PCDHGB2: variants seen among roughly 807,000 people sequenced by gnomAD.
PCDHGB2 encodes protocadherin gamma subfamily B, 2, also known as protocadherin gamma-B2.
Under a neutral mutation model 59.3 loss-of-function variants are expected in PCDHGB2, and 55 were observed. The observed-to-expected ratio is 0.93, with a 90% CI of 0.75 to 1.16. The LOEUF (loss-of-function observed/expected upper bound fraction) is 1.16, where lower values mean the gene tolerates loss of function less well. Among genes scored for constraint, PCDHGB2 ranks in the 50% most tolerant of loss-of-function variants. The pLI, the probability that PCDHGB2 is intolerant of heterozygous loss-of-function variation, is 0.00. For missense variants in PCDHGB2, 1,228 were observed against 1,198.5 expected (o/e 1.02, Z -0.36); for synonymous variants, 516 against 512.0 (o/e 1.01, Z -0.11).
In PCDHGB2 at chr5:141,432,645, C is replaced by A. The variant is rs758701539; in HGVS notation, c.2422-62162C>A. ...CTGCACACGGGCGAGGTGCGCACGG[C>A]GCGAGCCCTGCTGGACAGAGACGCG... On this transcript the variant is annotated intron_variant, in intron 1 of 3. Coordinates refer to ENST00000522605, the MANE Select transcript of PCDHGB2 (RefSeq NM_018923.3). This position sits in a 1 kb window ranked among gnomAD's most constrained non-coding sequence, Gnocchi z 6.0. The A allele has an allele frequency of 1.2e-5, 20 of 1,613,628 alleles. No individual in the cohort carries two copies. The highest frequency in any genetic ancestry group is 1.6e-4 in the Middle Eastern group (1 of 6,066).
In PCDHGB2 at chr5:141,489,594, TGTAGAG is replaced by T. The variant is rs1298302866; in HGVS notation, c.2422-5206_2422-5201del. 1 of 1,613,958 alleles carries T rather than the reference TGTAGAG, an allele frequency of 6.2e-7. No homozygotes were observed. The highest frequency in any genetic ancestry group is 1.3e-5 in the African/African-American group (1 of 74,906). ...CTGAACACCCCCTGGAGCTAATCCG[TGTAGAG>T]GTAGAGATCCTGGATCTCAATGACA... On this transcript the variant is annotated intron_variant, in intron 1 of 3. Coordinates refer to ENST00000522605, the MANE Select transcript of PCDHGB2 (RefSeq NM_018923.3). The surrounding 1 kb of genome is among the most constrained non-coding windows in gnomAD (Gnocchi z 4.5).
Position 141,489,361 on chromosome 5 carries a change from C to A in PCDHGB2, c.2422-5446C>A. ...TTACTCAGTGGTGGAGGAGTCTGAG[C>A]CGGGGACGCTGGTGGGGAATGTTGC... On this transcript the variant is annotated intron_variant, in intron 1 of 3. Transcript: ENST00000522605. This position sits in a 1 kb window ranked among gnomAD's most constrained non-coding sequence, Gnocchi z 4.5. 1 of 1,612,880 alleles carries A rather than the reference C, an allele frequency of 6.2e-7. No individual in the cohort carries two copies. The highest frequency in any genetic ancestry group is 8.5e-7 in the Non-Finnish European group (1 of 1,179,164).
chr5:141,438,641 C>CAT (rs2098042490), intron 1 of PCDHGB2, among the ~76,000 whole-genome samples: 2 of 79,354 alleles, frequency 2.5e-5, no homozygotes, highest in Non-Finnish European at 4.5e-5. Context: ...TATATACACA[C>CAT]ACACACACAC....
intron 1 of PCDHGB2, chr5:141,403,406 T>A: frequency 6.2e-7 from 1 of 1,614,058 alleles, no homozygotes; most frequent in South Asian, 1.1e-5. Flanking sequence ...TGGAGCACGT[T>A]ATCCACTTCC....
intron 1 of PCDHGB2, among the ~76,000 whole-genome samples, chr5:141,465,130 AAG>A (rs1277023430): frequency 2.6e-5 from 4 of 151,968 alleles, no homozygotes; most frequent in Non-Finnish European, 5.9e-5. Flanking sequence ...AATTTGTAAA[AAG>A]TTTAGGGGAT....
intron 3 of PCDHGB2, among the ~76,000 whole-genome samples, chr5:141,507,521 C>G (rs2099861196): frequency 6.6e-6 from 1 of 151,972 alleles, no homozygotes; most frequent in African/African-American, 2.4e-5. Flanking sequence ...GGCTATGATT[C>G]CAGAGAGGCC....
chr5:141,361,171 G>A lies in PCDHGB2; in HGVS notation c.1036G>A (p.Glu346Lys), dbSNP rs750066776. The A allele has an allele frequency of 3.0e-5, 49 of 1,613,824 alleles. No individual in the cohort carries two copies. Among genetic ancestry groups the A allele is most frequent in the South Asian group, 1.1e-5 (1 of 91,086 alleles). The change falls in exon 1 of 4, where the codon GAA (glutamate) becomes AAA (lysine). Residue 346 changes from glutamate to lysine, a missense_variant. Glu to Lys is a moderately conservative substitution (Grantham distance 56). This residue lies in a region of PCDHGB2 where 781 missense variants were observed against 721.6 expected (regional missense o/e 1.08). Coordinates refer to ENST00000522605, the MANE Select transcript of PCDHGB2 (RefSeq NM_018923.3). ...TCTTGATGACAACGATTGTGCACCT[G>A]AAGTTATTGTGACTTCAGTATCTAC... ...EILDDNDCAP[E>K]VIVTSVSTPL...
intron 1 of PCDHGB2, chr5:141,421,947 C>T: frequency 6.2e-7 from 1 of 1,613,118 alleles, no homozygotes; most frequent in African/African-American, 1.3e-5. Context: ...ATGATCACAT[C>T]CCAATGTTTA....
At chr5:141,413,432 G>A (rs1193674962) in intron 1 of PCDHGB2, 1 of 1,613,992 alleles carries the variant, frequency 6.2e-7, no homozygotes, top group African/African-American at 1.3e-5. Flanking sequence ...CCGCGCAGCG[G>A]CAGCTTGATC....
intron 1 of PCDHGB2, among the ~76,000 whole-genome samples, chr5:141,463,839 T>C (rs1356261890): frequency 1.3e-5 from 2 of 152,240 alleles, no homozygotes; most frequent in African/African-American, 4.8e-5. Flanking sequence ...TTCCCAGTTG[T>C]TATAGTGGTA....
chr5:141,489,191 T>C lies in PCDHGB2; in HGVS notation c.2422-5616T>C. On this transcript the variant is annotated intron_variant, in intron 1 of 3. Coordinates refer to ENST00000522605, the MANE Select transcript of PCDHGB2 (RefSeq NM_018923.3). The surrounding 1 kb of genome is among the most constrained non-coding windows in gnomAD (Gnocchi z 4.5). ...CTGCATTCCAAGCCCTGGGTCTACC[T>C]TGGAGACAGGACAGCACAGACTTAC... The C allele has an allele frequency of 7.3e-7, 1 of 1,364,400 alleles. No homozygotes were observed. Among genetic ancestry groups the C allele is most frequent in the Middle Eastern group, 1.9e-4 (1 of 5,334 alleles). The allele number at this position is 1,364,400 out of a possible 1,614,324, so 84.5% of individuals were successfully genotyped here. A position where few individuals can be genotyped will look rare whatever the true frequency, so the allele number is the denominator to read the frequency against.
chr5:141,387,764 AT>A, intron 1 of PCDHGB2: 1 of 1,430,464 alleles, frequency 7.0e-7, no homozygotes, highest in East Asian at 2.5e-5. Context: ...AAAAAGAAGA[AT>A]TTTTTCTTGA....
intron 1 of PCDHGB2, chr5:141,370,205 T>C (rs1766739640): frequency 3.7e-6 from 2 of 547,650 alleles, no homozygotes; most frequent in South Asian, 6.6e-5. Flanking sequence ...GTGCAAAATA[T>C]TGGCTCCTCC....
At chr5:141,455,789 G>A (rs966897617) in intron 1 of PCDHGB2, among the ~76,000 whole-genome samples, 56 of 152,058 alleles carry the variant, frequency 3.7e-4, no homozygotes, top group African/African-American at 1.3e-3. Context: ...AACTTTTCCG[G>A]AGATGCTTTA....
chr5:141,384,283 G>C (rs762515266), intron 1 of PCDHGB2: 19 of 1,613,644 alleles, frequency 1.2e-5, no homozygotes, highest in South Asian at 2.2e-5. Flanking sequence ...AGTCTACATC[G>C]CTGAGAACAA....
chr5:141,404,685 C>T (rs554522683), intron 1 of PCDHGB2: 1 of 1,614,010 alleles, frequency 6.2e-7, no homozygotes, highest in South Asian at 1.1e-5. Flanking sequence ...GTGGAGCTGG[C>T]ACCCCGCTCT....
Position 141,491,103 on chromosome 5 carries a change from G to C in PCDHGB2, c.2422-3704G>C. 1 of 1,614,162 alleles carries C rather than the reference G, an allele frequency of 6.2e-7. No individual in the cohort carries two copies. Among genetic ancestry groups the C allele is most frequent in the South Asian group, 1.1e-5 (1 of 91,082 alleles). On this transcript the variant is annotated intron_variant, in intron 1 of 3. Transcript: ENST00000522605. The surrounding 1 kb of genome is among the most constrained non-coding windows in gnomAD (Gnocchi z 6.9). ...CCACAGCCCCAGGACTGTTCCTCGT[G>C]TCTACACACACTGGTGAGGTGCGCA... is the stretch of plus-strand genomic sequence containing the variant.
At chr5:141,495,149 G>A (rs1448841303) in intron 2 of PCDHGB2, among the ~76,000 whole-genome samples, 1 of 152,170 alleles carries the variant, frequency 6.6e-6, no homozygotes, top group Non-Finnish European at 1.5e-5. Context: ...CCAAAGGATG[G>A]TCTTAAGCTG....
At chr5:141,401,610 A>AC (rs1186420148) in intron 1 of PCDHGB2, among the ~76,000 whole-genome samples, 1 of 152,212 alleles carries the variant, frequency 6.6e-6, no homozygotes, top group Non-Finnish European at 1.5e-5. Flanking sequence ...GGAAAAAGAC[A>AC]CCGGATTTGT....
Sources: allele counts gnomAD v4.1 joint callset (sites outside exome capture counted in the v4.1 genomes callset), GRCh38; gene constraint gnomAD v4.1.1; regional missense constraint gnomAD v4.1.1; non-coding constraint Gnocchi (gnomAD v3.1); transcripts MANE v1.5; gene names NCBI Gene and HGNC (gene_info 2026-07-23, HGNC 2026-07-21).